Variants in SV2C observed in about 807,000 individuals in gnomAD.
The protein encoded by SV2C is solute carrier family 22 member B3.
In SV2C, 49 loss-of-function variants were observed where a neutral mutation model predicts 79.7. That is an observed-to-expected ratio of 0.61 (90% CI 0.49 to 0.78). The LOEUF (loss-of-function observed/expected upper bound fraction) is 0.78, where lower values mean the gene tolerates loss of function less well. SV2C is among the 30% of genes least tolerant of loss of function. The pLI, the probability that SV2C is intolerant of heterozygous loss-of-function variation, is 0.00. For missense variants in SV2C, 833 were observed against 912.9 expected (o/e 0.91, Z 1.13); for synonymous variants, 334 against 333.2 (o/e 1.00, Z -0.03).
chr5:76,220,644 CTAGA>C (rs1185196688), intron 4 of SV2C, among the ~76,000 whole-genome samples: 7 of 146,082 alleles, frequency 4.8e-5, no homozygotes, highest in Non-Finnish European at 1.0e-4. Flanking sequence ...AAAGAATTGA[CTAGA>C]TAGAAAGGAA....
intron 12 of SV2C, among the ~76,000 whole-genome samples, chr5:76,341,608 A>G (rs769719375): frequency 1.3e-5 from 2 of 152,236 alleles, no homozygotes; most frequent in Non-Finnish European, 2.9e-5. Flanking sequence ...TTTTCCAAGC[A>G]TTCATTTCTG....
the SV2C span, among the ~76,000 whole-genome samples, chr5:75,872,482 A>G: frequency 6.6e-6 from 1 of 152,194 alleles, no homozygotes; most frequent in African/African-American, 2.4e-5. Flanking sequence ...ATTTTAAGAT[A>G]CAGTATTTAA....
the SV2C span, among the ~76,000 whole-genome samples, chr5:75,997,715 A>G: frequency 6.6e-6 from 1 of 152,212 alleles, no homozygotes; most frequent in African/African-American, 2.4e-5. Context: ...GGATGTGGAG[A>G]AATAGGAAGA....
the SV2C span, among the ~76,000 whole-genome samples, chr5:75,978,057 G>A: frequency 6.6e-6 from 1 of 152,122 alleles, no homozygotes; most frequent in East Asian, 1.9e-4. Flanking sequence ...GATTATGTCT[G>A]GAACCATGCC....
At chr5:75,918,622 A>G in the SV2C span, among the ~76,000 whole-genome samples, 1 of 152,222 alleles carries the variant, frequency 6.6e-6, no homozygotes, top group Admixed American at 6.5e-5. Flanking sequence ...TCTGTCCCTC[A>G]TGAGTGGCTC....
chr5:75,973,257 A>G, the SV2C span, among the ~76,000 whole-genome samples: 1 of 151,988 alleles, frequency 6.6e-6, no homozygotes, highest in Non-Finnish European at 1.5e-5. Context: ...GTACACCAAC[A>G]TGGCACATGT....
chr5:76,031,198 T>A, the SV2C span, among the ~76,000 whole-genome samples: 2 of 152,202 alleles, frequency 1.3e-5, no homozygotes, highest in Non-Finnish European at 2.9e-5. Flanking sequence ...AAACTGATCA[T>A]CATTTGGTCC....
At chr5:76,322,834 A>G (rs1748875244) in intron 12 of SV2C, among the ~76,000 whole-genome samples, 1 of 152,244 alleles carries the variant, frequency 6.6e-6, no homozygotes, top group South Asian at 2.1e-4. Context: ...GGCTAGCCAT[A>G]TTCAGAAAAC....
chr5:76,222,940 C>T (rs1168553028), intron 4 of SV2C, among the ~76,000 whole-genome samples: 1 of 152,118 alleles, frequency 6.6e-6, no homozygotes, highest in Admixed American at 6.5e-5. Flanking sequence ...TCATTTGATC[C>T]TTGTTTCTTC....
At chr5:75,882,505 C>G in the SV2C span, among the ~76,000 whole-genome samples, 1 of 152,014 alleles carries the variant, frequency 6.6e-6, no homozygotes, top group African/African-American at 2.4e-5. Context: ...AACTATACTA[C>G]AAGGCTACAG....
At chr5:76,182,545 G>A (rs1743766944) in intron 2 of SV2C, among the ~76,000 whole-genome samples, 1 of 152,118 alleles carries the variant, frequency 6.6e-6, no homozygotes, top group African/African-American at 2.4e-5. Context: ...TCCAGGGTCA[G>A]TACTAGAATG....
intron 4 of SV2C, among the ~76,000 whole-genome samples, chr5:76,268,584 C>G (rs1014074258): frequency 6.6e-6 from 1 of 152,184 alleles, no homozygotes; most frequent in Admixed American, 6.5e-5. Context: ...TTTTGAGAAC[C>G]AACTTCTCCC....
Position 76,326,076 on chromosome 5 carries a change from T to C in SV2C, c.*529T>C, listed in dbSNP as rs751383272. On this transcript the variant is annotated 3_prime_UTR_variant, in exon 13 of 13. Transcript: ENST00000502798. The stretch of plus-strand genomic sequence containing the variant: ...TAGCAGAGCCTTTCAAAGAAAACCA[T>C]GTGGCACCAAACAGGGCTGGGTGGG... The C allele has an allele frequency of 4.6e-5, 7 of 152,028 alleles. No individual in the cohort carries two copies. Among genetic ancestry groups the C allele is most frequent in the Non-Finnish European group, 8.8e-5 (6 of 68,222 alleles). 9.4% of individuals were successfully genotyped at this position (152,028 alleles called of 1,614,324 possible). A position where few individuals can be genotyped will look rare whatever the true frequency, so the allele number is the denominator to read the frequency against.
chr5:76,043,183 C>T, the SV2C span, among the ~76,000 whole-genome samples: 22 of 152,190 alleles, frequency 1.4e-4, no homozygotes, highest in Non-Finnish European at 2.9e-4. Context: ...CAACCCCCAG[C>T]TGTGTTAGCC....
chr5:76,325,153 A>G (rs1432489683), intron 12 of SV2C, among the ~76,000 whole-genome samples: 3 of 152,216 alleles, frequency 2.0e-5, no homozygotes, highest in Non-Finnish European at 4.4e-5. Context: ...AGTCAATGGA[A>G]GCTATGGTAA....
chr5:75,992,933 T>G, the SV2C span, among the ~76,000 whole-genome samples: 1 of 151,926 alleles, frequency 6.6e-6, no homozygotes, highest in Non-Finnish European at 1.5e-5. Flanking sequence ...AACAAAACCT[T>G]ACATTAAAGG....
the SV2C span, among the ~76,000 whole-genome samples, chr5:75,956,753 G>A: frequency 1.3e-5 from 2 of 152,006 alleles, no homozygotes; most frequent in Admixed American, 1.3e-4. Flanking sequence ...GGATGTCCTT[G>A]AGAACACTGA....
rs574204184 is a variant in SV2C, at chr5:76,325,261, A to T, written c.2001-103A>T. ...TTGATTTGCTCCACTGATATACAAC[A>T]CAATCTGAGGGAAGATCATTGAAAA... On this transcript the variant is annotated intron_variant, in intron 12 of 12. Transcript: ENST00000502798. The T allele has an allele frequency of 2.3e-5, 28 of 1,241,276 alleles. No individual in the cohort carries two copies. In the South Asian group the frequency reaches 3.5e-4, roughly 16 times the overall value. The allele number at this position is 1,241,276 out of a possible 1,614,324, so 76.9% of individuals were successfully genotyped here.
the SV2C span, among the ~76,000 whole-genome samples, chr5:76,047,947 A>T: frequency 1.3e-5 from 2 of 151,540 alleles, no homozygotes; most frequent in African/African-American, 4.8e-5. Flanking sequence ...ATTTTTTTGT[A>T]TTTTAACAAT....
Sources: gnomAD v4.1 joint callset for allele counts (sites outside exome capture counted in the v4.1 genomes callset) on GRCh38, gnomAD v4.1.1 for gene constraint, MANE v1.5 for transcripts, NCBI Gene and HGNC (gene_info 2026-07-23, HGNC 2026-07-21) for gene names.